TSC22D1: variants seen among roughly 807,000 people sequenced by gnomAD.
TSC22D1 encodes TSC22 domain family protein 1.
Under a neutral mutation model 74.2 loss-of-function variants are expected in TSC22D1, and 9 were observed. The ratio of observed to expected loss-of-function variants is 0.12; its 90% confidence interval spans 0.07 to 0.21. The LOEUF (loss-of-function observed/expected upper bound fraction) is 0.21. TSC22D1 is among the 10% of genes least tolerant of loss of function. The pLI is 1.00. For synonymous variants in TSC22D1, 586 were observed against 492.5 expected, an observed-to-expected ratio of 1.19 and a Z score of -2.51; for missense variants, 1,427 against 1,304.7, an observed-to-expected ratio of 1.09 and a Z score of -1.44.
chr13:44,538,303 T>C (rs1209961360), intron 1 of TSC22D1: 2 of 985,096 alleles, frequency 2.0e-6, no homozygotes, highest in African/African-American at 3.5e-5. Context: ...TTGACAATTA[T>C]AATAAGCCTC....
intron 1 of TSC22D1, among the ~76,000 whole-genome samples, chr13:44,477,799 C>T (rs1038997887): frequency 2.0e-5 from 3 of 151,872 alleles, no homozygotes; most frequent in Non-Finnish European, 2.9e-5. Flanking sequence ...GGTGCCACCA[C>T]GCCTGGCTAA....
chr13:44,563,086 G>A (rs1883152658), intron 1 of TSC22D1, among the ~76,000 whole-genome samples: 1 of 148,694 alleles, frequency 6.7e-6, no homozygotes, highest in African/African-American at 2.5e-5. Context: ...CCTGGGCAAC[G>A]AGAACAAAAC....
At chr13:44,560,918 C>T (rs976644865) in intron 1 of TSC22D1, among the ~76,000 whole-genome samples, 3 of 152,172 alleles carry the variant, frequency 2.0e-5, no homozygotes, top group African/African-American at 7.2e-5. Context: ...ACTTTCCTGA[C>T]GTCAACTTAC....
Position 44,576,055 on chromosome 13 carries a change from G to A in TSC22D1, c.20C>T (p.Ser7Phe). ...TGCAGCGGCGGCGGCCGCGGCGGTG[G>A]ACTCAGGCGGCTGGTGCATTGTGTT... MHQPPE[S>F]TAAAAAAADI... The change falls in exon 1 of 3, where the codon TCC becomes TTC. Residue 7 changes from serine to phenylalanine, a missense_variant. Physicochemically the swap from Ser to Phe is radical, Grantham distance 155 (BLOSUM62 -2). Transcript: ENST00000458659. 1 of 1,564,546 alleles carries A rather than the reference G, an allele frequency of 6.4e-7. No individual in the cohort carries two copies. The highest frequency in any genetic ancestry group is 1.2e-5 in the South Asian group (1 of 86,332).
At chr13:44,517,135 C>A (rs1880029935) in intron 1 of TSC22D1, among the ~76,000 whole-genome samples, 1 of 152,072 alleles carries the variant, frequency 6.6e-6, no homozygotes, top group African/African-American at 2.4e-5. Context: ...AAAATTTGAT[C>A]TAGATTATAT....
chr13:44,451,008 G>T (rs977773841), intron 1 of TSC22D1, among the ~76,000 whole-genome samples: 2 of 152,166 alleles, frequency 1.3e-5, no homozygotes, highest in African/African-American at 4.8e-5. Flanking sequence ...CAAGAACCTT[G>T]AATGGGAGAG....
At chr13:44,556,079 GATAA>G (rs141175155) in intron 1 of TSC22D1, among the ~76,000 whole-genome samples, 50 of 151,998 alleles carry the variant, frequency 3.3e-4, no homozygotes, top group Middle Eastern at 3.4e-3. Context: ...ACTATTAAAT[GATAA>G]ATAAAGCTAC....
chr13:44,485,958 T>A (rs1279366740), intron 1 of TSC22D1, among the ~76,000 whole-genome samples: 1 of 152,044 alleles, frequency 6.6e-6, no homozygotes, highest in Non-Finnish European at 1.5e-5. Flanking sequence ...TAATTTTAGA[T>A]TTTGTTAGAT....
chr13:44,556,117 A>G (rs1464264975), intron 1 of TSC22D1, among the ~76,000 whole-genome samples: 1 of 152,114 alleles, frequency 6.6e-6, no homozygotes, highest in Non-Finnish European at 1.5e-5. Flanking sequence ...ATACATCTTT[A>G]CTATTGTTAA....
rs1366298733 is a variant in TSC22D1 at position 44,552,345 on chromosome 13, C to T, written c.2912+20818G>A. Among the ~76,000 whole-genome samples the T allele has an allele frequency of 2.6e-5, 4 of 152,302 alleles. No homozygotes were observed. In the South Asian group the frequency reaches 8.3e-4, roughly 32 times the overall value. On this transcript the variant is annotated intron_variant, in intron 1 of 2. Transcript: ENST00000458659. ...ACGAACACCATCAAGGGTTAACTCT[C>T]CAACATGAGGAACAGAGAACATAAA...
chr13:44,547,877 A>ACTCCTGGGCTCAAGCAATC (rs1177201703), intron 1 of TSC22D1, among the ~76,000 whole-genome samples: 1 of 152,114 alleles, frequency 6.6e-6, no homozygotes, highest in Non-Finnish European at 1.5e-5. Flanking sequence ...ACAGCCTCGA[A>ACTCCTGGGCTCAAGCAATC]CTCCTGGGCT....
intron 1 of TSC22D1, among the ~76,000 whole-genome samples, chr13:44,455,612 C>A (rs918926791): frequency 6.6e-6 from 1 of 152,184 alleles, no homozygotes; most frequent in African/African-American, 2.4e-5. Context: ...TAAGTCAGGT[C>A]CTCCTGTAGA....
rs1878382314 is a variant in TSC22D1 at position 44,485,361 on chromosome 13, C to A, written c.2913-49266G>T. Among the ~76,000 whole-genome samples, 3 of 152,064 alleles carry A rather than the reference C, an allele frequency of 2.0e-5. No individual in the cohort carries two copies. The South Asian group carries it at 6.2e-4, about 32-fold the overall frequency. ...CACCAAGATATATATATGGAAAGTTCTTTTAGTCATATTTCAGTCTTTAAT... is the reference window on the plus strand; with the variant it reads ...CACCAAGATATATATATGGAAAGTTATTTTAGTCATATTTCAGTCTTTAAT... On this transcript the variant is annotated intron_variant, in intron 1 of 2. Transcript: ENST00000458659.
chr13:44,454,270 C>A (rs894462655), intron 1 of TSC22D1, among the ~76,000 whole-genome samples: 3 of 152,116 alleles, frequency 2.0e-5, no homozygotes, highest in Admixed American at 6.5e-5. Flanking sequence ...AAGTTTCTTA[C>A]CTAATCAGGA....
intron 1 of TSC22D1, among the ~76,000 whole-genome samples, chr13:44,461,466 G>A (rs1316455234): frequency 6.6e-6 from 1 of 152,114 alleles, no homozygotes; most frequent in Non-Finnish European, 1.5e-5. Flanking sequence ...ATAAGAGAAG[G>A]TAACCGAGTA....
Position 44,575,995 on chromosome 13 carries a change from A to G in TSC22D1, c.80T>C (p.Met27Thr). 2 of 1,595,686 alleles carry G rather than the reference A, an allele frequency of 1.3e-6. No homozygotes were observed. The highest frequency in any genetic ancestry group is 1.7e-6 in the Non-Finnish European group (2 of 1,170,996). Residue 27 changes from methionine (M) to threonine (T), a missense_variant, in exon 1 of 3, where the codon ATG becomes ACG. This residue lies in a region of TSC22D1 where 1,343 missense variants were observed against 1,191.5 expected (regional missense o/e 1.13). Coordinates refer to ENST00000458659, the MANE Select transcript of TSC22D1 (RefSeq NM_183422.4). ...ACTACCGCTGCCCCTTCGAGGGAACATTGCCGGGTGCGCCATCTTCCTAGC... is the reference window on the plus strand; with the variant it reads ...ACTACCGCTGCCCCTTCGAGGGAACGTTGCCGGGTGCGCCATCTTCCTAGC... ...ISARKMAHPA[M>T]FPRRGSGSGS...
chr13:44,536,682 C>T, intron 1 of TSC22D1: 1 of 930,206 alleles, frequency 1.1e-6, no homozygotes, highest in Non-Finnish European at 1.3e-6. Flanking sequence ...TTTGATCAAT[C>T]TAGCATTAAA....
At chr13:44,449,903 GCACC>G (rs1194943999) in intron 1 of TSC22D1, among the ~76,000 whole-genome samples, 1 of 152,144 alleles carries the variant, frequency 6.6e-6, no homozygotes, top group African/African-American at 2.4e-5. Flanking sequence ...TTAACAGTGA[GCACC>G]CATGAAAGGC....
rs1883949637 is a variant in TSC22D1 at position 44,573,697 on chromosome 13, T to C, written c.2378A>G (p.Gln793Arg). The C allele has an allele frequency of 1.9e-6, 3 of 1,614,208 alleles. No homozygotes were observed. Among genetic ancestry groups the C allele is most frequent in the Non-Finnish European group, 2.5e-6 (3 of 1,180,040 alleles). ...SLPQQLVIAS[Q>R]SSLLTVPPQP... ...GGGAGGCACAGTTAACAAGGAACTTTGGGATGCAATAACCAATTGTTGAGG... is the reference window on the plus strand; with the variant it reads ...GGGAGGCACAGTTAACAAGGAACTTCGGGATGCAATAACCAATTGTTGAGG... The change falls in exon 1 of 3, where the codon CAA (glutamine) becomes CGA (arginine). Residue 793 changes from glutamine (Q) to arginine (R), a missense_variant. Gln to Arg is a conservative substitution (Grantham distance 43). Coordinates refer to ENST00000458659, the MANE Select transcript of TSC22D1 (RefSeq NM_183422.4).
Sources: gnomAD v4.1 joint callset for allele counts (sites outside exome capture counted in the v4.1 genomes callset) on GRCh38, gnomAD v4.1.1 for gene constraint, gnomAD v4.1.1 regional missense constraint, MANE v1.5 for transcripts, NCBI Gene and HGNC (gene_info 2026-07-23, HGNC 2026-07-21) for gene names.